MYRIP: variants seen among roughly 807,000 people sequenced by gnomAD.
MYRIP encodes the protein rab effector MyRIP.
In MYRIP, 49 loss-of-function variants were observed where a neutral mutation model predicts 98.0. The observed-to-expected ratio is 0.50, with a 90% CI of 0.40 to 0.63. The LOEUF (loss-of-function observed/expected upper bound fraction) is 0.63, where lower values mean the gene tolerates loss of function less well. Among genes scored for constraint, MYRIP ranks in the 30% least tolerant of loss-of-function variants. The pLI, the probability that MYRIP is intolerant of heterozygous loss-of-function variation, is 0.00. For synonymous variants in MYRIP, 404 were observed against 409.5 expected (o/e 0.99, Z 0.16); for missense variants, 1,004 against 1,058.2 (o/e 0.95, Z 0.71).
At chr3:39,961,268 T>C (rs1251413720) in intron 2 of MYRIP, among the ~76,000 whole-genome samples, 1 of 152,038 alleles carries the variant, frequency 6.6e-6, no homozygotes, top group Admixed American at 6.6e-5. Flanking sequence ...GGAAGGGAAA[T>C]GGTAGCAGCA....
intron 9 of MYRIP, among the ~76,000 whole-genome samples, chr3:40,184,765 A>T (rs1950983184): frequency 1.3e-5 from 2 of 152,354 alleles, no homozygotes; most frequent in South Asian, 4.1e-4. Flanking sequence ...ATGATTTTGT[A>T]CATAATTTTC....
rs543939089 is a variant in MYRIP at position 40,108,153 on chromosome 3, G to C, written c.333-42895G>C. Among the ~76,000 whole-genome samples the C allele has an allele frequency of 9.4e-5, 14 of 148,594 alleles. No homozygotes were observed. The East Asian group carries it at 2.6e-3, about 28-fold the overall frequency. ...CAGGAGGGAAAAGCTGCAGCACTTA[G>C]TTATGAGTTAGCAGTGTTTGTGAGA... On this transcript the variant is annotated intron_variant, in intron 3 of 16. Transcript: ENST00000302541.
intron 2 of MYRIP, among the ~76,000 whole-genome samples, chr3:39,902,074 C>T (rs866977143): frequency 6.6e-6 from 1 of 152,242 alleles, no homozygotes; most frequent in African/African-American, 2.4e-5. Context: ...GAGTCAAGGA[C>T]GTCCCCAAGG....
At chr3:40,155,978 C>T (rs1334363317) in intron 4 of MYRIP, among the ~76,000 whole-genome samples, 4 of 152,152 alleles carry the variant, frequency 2.6e-5, no homozygotes, top group Admixed American at 2.0e-4. Flanking sequence ...TTTTGCTGTG[C>T]AGAAGCTCTT....
chr3:40,142,789 G>T (rs1006247233), intron 3 of MYRIP, among the ~76,000 whole-genome samples: 3 of 152,172 alleles, frequency 2.0e-5, no homozygotes, highest in African/African-American at 2.4e-5. Context: ...ATAAGTCAGG[G>T]AAATCAAGCA....
intron 1 of MYRIP, among the ~76,000 whole-genome samples, chr3:39,883,340 G>A (rs962386206): frequency 2.6e-5 from 4 of 152,148 alleles, no homozygotes; most frequent in East Asian, 1.9e-4. Flanking sequence ...TGCTGGTACC[G>A]TCAGCACCTG....
chr3:39,946,437 T>G (rs747212402), intron 2 of MYRIP, among the ~76,000 whole-genome samples: 2 of 152,136 alleles, frequency 1.3e-5, no homozygotes, highest in African/African-American at 2.4e-5. Flanking sequence ...ATTATCCAGA[T>G]GGGCCTGACC....
intron 3 of MYRIP, among the ~76,000 whole-genome samples, chr3:40,113,513 C>T (rs867684524): frequency 2.0e-5 from 3 of 152,070 alleles, no homozygotes; most frequent in Admixed American, 6.6e-5. Context: ...TGTCTCAGAG[C>T]CATATGGGAT....
At chr3:39,969,865 A>C (rs2125743067) in intron 2 of MYRIP, among the ~76,000 whole-genome samples, 1 of 151,092 alleles carries the variant, frequency 6.6e-6, no homozygotes, top group Non-Finnish European at 1.5e-5. Flanking sequence ...GTCCCTCCTC[A>C]ATTTTTTGGG....
chr3:40,211,095 T>C (rs1478512691), intron 11 of MYRIP, among the ~76,000 whole-genome samples: 5 of 152,156 alleles, frequency 3.3e-5, no homozygotes, highest in African/African-American at 7.2e-5. Context: ...ACCTGAGTCA[T>C]TGAGGTCCTT....
At chr3:40,044,343 A>G in intron 3 of MYRIP, 72 bp downstream of exon 3, 1 of 1,430,010 alleles carries the variant, frequency 7.0e-7, no homozygotes, top group Non-Finnish European at 9.8e-7. Flanking sequence ...TCCTTCAGTC[A>G]GGTAGAACCA....
intron 3 of MYRIP, among the ~76,000 whole-genome samples, chr3:40,127,847 C>T (rs9864142): frequency 0.025 from 3,869 of 152,280 alleles, 170 homozygotes; most frequent in African/African-American, 0.086. Flanking sequence ...GCTCCCAGCT[C>T]CAGGATGCTA....
chr3:39,976,153 G>C (rs1945744151), intron 2 of MYRIP, among the ~76,000 whole-genome samples: 1 of 152,034 alleles, frequency 6.6e-6, no homozygotes, highest in Non-Finnish European at 1.5e-5. Context: ...CTACTCATCT[G>C]ACAAAGGGCT....
intron 1 of MYRIP, among the ~76,000 whole-genome samples, chr3:39,889,056 T>C (rs945276242): frequency 1.3e-5 from 2 of 151,938 alleles, no homozygotes; most frequent in Admixed American, 6.6e-5. Context: ...TGTGGAGAAA[T>C]AGGAACACTT....
intron 1 of MYRIP, among the ~76,000 whole-genome samples, chr3:39,880,554 C>T (rs901762907): frequency 1.3e-5 from 2 of 152,230 alleles, no homozygotes; most frequent in Non-Finnish European, 2.9e-5. Context: ...CTCCCTGGAA[C>T]CAGACAGCTT....
intron 1 of MYRIP, among the ~76,000 whole-genome samples, chr3:39,842,090 G>T (rs552907946): frequency 6.6e-6 from 1 of 152,172 alleles, no homozygotes; most frequent in Non-Finnish European, 1.5e-5. Flanking sequence ...CTGTCCCAGG[G>T]AGATGAGAGT....
At chr3:39,883,257 T>C (rs1226389234) in intron 1 of MYRIP, among the ~76,000 whole-genome samples, 2 of 152,310 alleles carry the variant, frequency 1.3e-5, no homozygotes, top group East Asian at 1.9e-4. Context: ...GAACTGGATG[T>C]GGAAGGCCTG....
At chr3:39,832,821 T>C (rs973629656) in intron 1 of MYRIP, among the ~76,000 whole-genome samples, 1 of 152,226 alleles carries the variant, frequency 6.6e-6, no homozygotes, top group Non-Finnish European at 1.5e-5. Context: ...TGCCTGAATA[T>C]ATATCTTTAG....
At chr3:40,038,128 TA>T (rs11359844) in intron 2 of MYRIP, among the ~76,000 whole-genome samples, 134,954 of 151,662 alleles carry the variant, frequency 0.89, 60,771 homozygotes, top group Non-Finnish European at 0.96. Context: ...ATCAAAATGT[TA>T]AAAAAAAAAG....
Sources: allele counts gnomAD v4.1 joint callset (sites outside exome capture counted in the v4.1 genomes callset), GRCh38; gene constraint gnomAD v4.1.1; transcripts MANE v1.5; gene names NCBI Gene and HGNC (gene_info 2026-07-23, HGNC 2026-07-21).